Variants in EYS observed in about 807,000 individuals in gnomAD.
EYS encodes EGF-like photoreceptor maintenance factor.
In EYS, 250 loss-of-function variants were observed where a neutral mutation model predicts 282.1. The observed-to-expected ratio is 0.89, with a 90% confidence interval of 0.80 to 0.98. The LOEUF (loss-of-function observed/expected upper bound fraction) is 0.98, where lower values mean the gene tolerates loss of function less well. EYS is among the 50% of genes least tolerant of loss of function. The pLI, the probability that EYS is intolerant of heterozygous loss-of-function variation, is 0.00. For synonymous variants in EYS, 1,355 were observed against 1,282.9 expected (o/e 1.06, Z -1.20); for missense variants, 4,016 against 3,709.0 (o/e 1.08, Z -2.15).
At chr6:64,390,016 G>A (rs1445201409) in intron 28 of EYS, among the ~76,000 whole-genome samples, 91 of 150,018 alleles carry the variant, frequency 6.1e-4, no homozygotes, top group African/African-American at 2.1e-3. Flanking sequence ...GGTGATGGAT[G>A]GCACCTGGAA....
intron 12 of EYS, among the ~76,000 whole-genome samples, chr6:65,112,381 T>G (rs1775238119): frequency 6.6e-6 from 1 of 152,096 alleles, no homozygotes; most frequent in South Asian, 2.1e-4. Flanking sequence ...AGATAGACCT[T>G]TCATCTAATT....
At chr6:64,089,072 G>A (rs1383075980) in intron 31 of EYS, among the ~76,000 whole-genome samples, 6 of 151,884 alleles carry the variant, frequency 4.0e-5, no homozygotes, top group African/African-American at 1.4e-4. Flanking sequence ...TGTTTTTGTT[G>A]AGTAGTTTTT....
rs563332221 is a variant in EYS at position 64,740,750 on chromosome 6, G to C, written c.3443+72628C>G. Among the ~76,000 whole-genome samples the C allele has an allele frequency of 3.6e-5, 5 of 140,470 alleles. No homozygotes were observed. The South Asian group carries it at 1.1e-3, about 31-fold the overall frequency. 92.2% of individuals were successfully genotyped at this position (140,470 alleles called of 152,430 possible). On this transcript the variant is annotated intron_variant, in intron 22 of 42. Transcript: ENST00000503581. Reference sequence around the variant, plus strand: ...TTTTTTTTTTACTGAGTCTCGCTCTGTCACCCAGGCTGGAGTGCAGTGGCA... The same window carrying C: ...TTTTTTTTTTACTGAGTCTCGCTCTCTCACCCAGGCTGGAGTGCAGTGGCA...
chr6:64,440,145 TC>T (rs2150467106), intron 26 of EYS, among the ~76,000 whole-genome samples: 1 of 152,012 alleles, frequency 6.6e-6, no homozygotes, highest in African/African-American at 2.4e-5. Context: ...TTTAAAACTT[TC>T]GAATTATGTA....
intron 30 of EYS, among the ~76,000 whole-genome samples, chr6:64,255,738 C>T (rs1157718102): frequency 6.6e-6 from 1 of 151,976 alleles, no homozygotes; most frequent in Non-Finnish European, 1.5e-5. Flanking sequence ...TGTTTGAACA[C>T]ACACGTATTA....
chr6:65,267,138 G>C (rs1438285009), intron 12 of EYS, among the ~76,000 whole-genome samples: 2 of 151,648 alleles, frequency 1.3e-5, no homozygotes, highest in Non-Finnish European at 2.9e-5. Flanking sequence ...GTGTGATCCT[G>C]AAGAGATTTG....
chr6:65,148,211 A>C (rs569251485), intron 12 of EYS, among the ~76,000 whole-genome samples: 45 of 152,188 alleles, frequency 3.0e-4, no homozygotes, highest in African/African-American at 8.2e-4. Flanking sequence ...CCAAAGTCTC[A>C]TCTGAGACAA....
chr6:63,878,427 G>A (rs980257584), intron 35 of EYS, among the ~76,000 whole-genome samples: 3 of 152,164 alleles, frequency 2.0e-5, no homozygotes, highest in African/African-American at 7.2e-5. Context: ...GGGGGTCCGG[G>A]ACCCACTTGA....
At chr6:65,032,256 C>G (rs991798855) in intron 13 of EYS, among the ~76,000 whole-genome samples, 2 of 152,038 alleles carry the variant, frequency 1.3e-5, no homozygotes, top group African/African-American at 4.8e-5. Flanking sequence ...AAAAGCCTAC[C>G]AACCAGAAAA....
intron 14 of EYS, among the ~76,000 whole-genome samples, chr6:64,983,882 C>G: frequency 6.6e-6 from 1 of 151,306 alleles, no homozygotes; most frequent in Non-Finnish European, 1.5e-5. Context: ...CACAAGTTTA[C>G]ATGACTTTGT....
chr6:64,033,302 A>G (rs1371662952), intron 33 of EYS, among the ~76,000 whole-genome samples: 1 of 152,212 alleles, frequency 6.6e-6, no homozygotes, highest in Non-Finnish European at 1.5e-5. Context: ...CGTTAGAGAA[A>G]AAAGGCTCCT....
intron 35 of EYS, among the ~76,000 whole-genome samples, chr6:63,895,520 C>T (rs1459771430): frequency 6.6e-6 from 1 of 152,156 alleles, no homozygotes; most frequent in Non-Finnish European, 1.5e-5. Context: ...TCAACCTGTG[C>T]TAGCCATTCT....
intron 29 of EYS, among the ~76,000 whole-genome samples, chr6:64,369,120 T>G (rs1772270360): frequency 6.6e-6 from 1 of 152,152 alleles, no homozygotes; most frequent in Admixed American, 6.5e-5. Context: ...CTTCTGCATA[T>G]GGCTATTCCA....
chr6:63,959,275 T>G (rs1765955630), intron 35 of EYS, among the ~76,000 whole-genome samples: 1 of 152,128 alleles, frequency 6.6e-6, no homozygotes, highest in Admixed American at 6.6e-5. Flanking sequence ...TCAACATCAC[T>G]GATAATCAGA....
At chr6:64,737,378 G>A (rs931305104) in intron 22 of EYS, among the ~76,000 whole-genome samples, 4 of 151,822 alleles carry the variant, frequency 2.6e-5, no homozygotes, top group African/African-American at 7.3e-5. Flanking sequence ...GTTATATAAC[G>A]GTCCATTTTA....
At chr6:64,986,763 G>GTTTTAACTCT (rs1770873805) in intron 14 of EYS, among the ~76,000 whole-genome samples, 1 of 150,374 alleles carries the variant, frequency 6.7e-6, no homozygotes, top group Admixed American at 6.7e-5. Flanking sequence ...AGTTAAAATT[G>GTTTTAACTCT]ATGTATTTTA....
chr6:64,232,766 A>T (rs1358021704), intron 30 of EYS, among the ~76,000 whole-genome samples: 2 of 152,280 alleles, frequency 1.3e-5, no homozygotes, highest in Admixed American at 6.5e-5. Flanking sequence ...TAGCTCCATT[A>T]TGTAACTCTT....
intron 31 of EYS, among the ~76,000 whole-genome samples, chr6:64,126,265 T>A (rs948841328): frequency 2.0e-5 from 3 of 151,546 alleles, no homozygotes; most frequent in African/African-American, 7.3e-5. Flanking sequence ...GTATGTTTAT[T>A]GCGGCACTAT....
At chr6:65,096,770 T>C (rs569884477) in intron 12 of EYS, among the ~76,000 whole-genome samples, 1 of 151,030 alleles carries the variant, frequency 6.6e-6, no homozygotes, top group African/African-American at 2.4e-5. Flanking sequence ...CTTCAACAAA[T>C]GCTATTGAGA....
Sources: allele counts gnomAD v4.1 joint callset (sites outside exome capture counted in the v4.1 genomes callset), GRCh38; gene constraint gnomAD v4.1.1; transcripts MANE v1.5; gene names NCBI Gene and HGNC (gene_info 2026-07-23, HGNC 2026-07-21).